Variants in PTPRO observed in about 807,000 individuals in gnomAD.
PTPRO encodes the protein protein tyrosine phosphatase receptor type O.
In PTPRO, 62 loss-of-function variants were observed where a neutral mutation model predicts 145.2. The ratio of observed to expected loss-of-function variants is 0.43; its 90% CI spans 0.35 to 0.53. The LOEUF is 0.53. PTPRO is among the 20% of genes least tolerant of loss of function. The pLI is 0.01. For missense variants in PTPRO, 1,345 were observed against 1,482.7 expected (o/e 0.91, Z 1.53); for synonymous variants, 565 against 514.7 (o/e 1.10, Z -1.32).
At chr12:15,547,127 T>C (rs768629124) in intron 13 of PTPRO, among the ~76,000 whole-genome samples, 20 of 152,132 alleles carry the variant, frequency 1.3e-4, no homozygotes, top group African/African-American at 4.8e-5. Flanking sequence ...TGCATAAGTA[T>C]AGAAAAAAGT....
chr12:15,591,547 G>T (rs2135675224), intron 25 of PTPRO, among the ~76,000 whole-genome samples: 1 of 152,216 alleles, frequency 6.6e-6, no homozygotes, highest in South Asian at 2.1e-4. Context: ...GCAAAGCCAA[G>T]AAAACGTTTT....
At chr12:15,367,789 C>A (rs1473402290) in intron 1 of PTPRO, among the ~76,000 whole-genome samples, 1 of 152,122 alleles carries the variant, frequency 6.6e-6, no homozygotes, top group African/African-American at 2.4e-5. Context: ...CAATGCCCAC[C>A]CCAAAGGAAA....
At chr12:15,415,301 G>A (rs965073264) in intron 1 of PTPRO, among the ~76,000 whole-genome samples, 2 of 151,972 alleles carry the variant, frequency 1.3e-5, no homozygotes, top group Non-Finnish European at 2.9e-5. Context: ...GCTCACATAA[G>A]AAAAGGTAAA....
At chr12:15,515,782 G>A (rs1327313401) in intron 8 of PTPRO, among the ~76,000 whole-genome samples, 164 bp downstream of exon 8, 1 of 151,938 alleles carries the variant, frequency 6.6e-6, no homozygotes, top group Non-Finnish European at 1.5e-5. Flanking sequence ...TGTATACTTG[G>A]AAAACATTCT....
At chr12:15,370,742 A>G (rs1006936914) in intron 1 of PTPRO, among the ~76,000 whole-genome samples, 6 of 152,216 alleles carry the variant, frequency 3.9e-5, no homozygotes, top group Admixed American at 3.3e-4. Context: ...AAATATGCAT[A>G]TATTTAATCT....
At chr12:15,568,264 T>C (rs1943952652) in intron 18 of PTPRO, among the ~76,000 whole-genome samples, 1 of 150,850 alleles carries the variant, frequency 6.6e-6, no homozygotes, top group African/African-American at 2.4e-5. Flanking sequence ...ACCAAATCTC[T>C]ACTAAAAATA....
intron 1 of PTPRO, among the ~76,000 whole-genome samples, chr12:15,408,484 A>G (rs1465584867): frequency 6.6e-6 from 1 of 152,120 alleles, no homozygotes; most frequent in East Asian, 1.9e-4. Context: ...GCTGGTGTGC[A>G]GTGGCATGAT....
intron 1 of PTPRO, among the ~76,000 whole-genome samples, chr12:15,378,925 G>T (rs1463237068): frequency 1.3e-5 from 2 of 152,008 alleles, no homozygotes; most frequent in Non-Finnish European, 2.9e-5. Context: ...CAAATAAAAA[G>T]ATACTCAAAA....
chr12:15,396,493 C>T (rs1939343632), intron 1 of PTPRO, among the ~76,000 whole-genome samples: 1 of 152,042 alleles, frequency 6.6e-6, no homozygotes, highest in East Asian at 1.9e-4. Flanking sequence ...TAACTCAGCC[C>T]TCTTTTATAG....
Position 15,556,399 on chromosome 12 carries a change from T to A in PTPRO, c.2559-1056T>A, listed in dbSNP as rs114089721. Among the ~76,000 whole-genome samples the A allele has an allele frequency of 2.3e-3, 357 of 152,018 alleles. No homozygotes were observed. In the Middle Eastern group the frequency reaches 0.034, roughly 14 times the overall value. ...CTGAGTATTAAATCCATTAATTCCG[T>A]ATAAAGAAAAAATGAGATACATGAG... is the stretch of plus-strand genomic sequence containing the variant. On this transcript the variant is annotated intron_variant, in intron 15 of 26. Transcript: ENST00000281171.
chr12:15,334,426 G>A (rs991093486), intron 1 of PTPRO, among the ~76,000 whole-genome samples: 9 of 152,230 alleles, frequency 5.9e-5, no homozygotes, highest in South Asian at 4.2e-4. Flanking sequence ...GCTACATAAA[G>A]TGTTAGTACA....
At chr12:15,496,390 C>T (rs1942108805) in intron 2 of PTPRO, among the ~76,000 whole-genome samples, 1 of 151,974 alleles carries the variant, frequency 6.6e-6, no homozygotes, top group South Asian at 2.1e-4. Flanking sequence ...GATCCACCCG[C>T]CTTGACCTTC....
chr12:15,450,784 T>A, intron 1 of PTPRO, among the ~76,000 whole-genome samples: 1 of 152,128 alleles, frequency 6.6e-6, no homozygotes, highest in South Asian at 2.1e-4. Context: ...AAAAAAATTT[T>A]TTTTTAAATA....
intron 1 of PTPRO, among the ~76,000 whole-genome samples, chr12:15,324,799 G>A (rs1360339470): frequency 2.0e-5 from 3 of 152,044 alleles, no homozygotes; most frequent in Non-Finnish European, 4.4e-5. Flanking sequence ...CTATTTTGCT[G>A]CAGTTGACAA....
At chr12:15,428,552 G>A (rs1042810555) in intron 1 of PTPRO, among the ~76,000 whole-genome samples, 2 of 151,976 alleles carry the variant, frequency 1.3e-5, no homozygotes, top group African/African-American at 4.8e-5. Flanking sequence ...TTTTCTGTAA[G>A]TTAAAATTAT....
At chr12:15,351,776 A>C (rs1231840849) in intron 1 of PTPRO, among the ~76,000 whole-genome samples, 7 of 152,194 alleles carry the variant, frequency 4.6e-5, no homozygotes, top group African/African-American at 1.7e-4. Flanking sequence ...CTGGTAACCT[A>C]TAGGGATTTA....
At chr12:15,553,353 C>T (rs1943523723) in intron 15 of PTPRO, among the ~76,000 whole-genome samples, 1 of 152,128 alleles carries the variant, frequency 6.6e-6, no homozygotes, top group Admixed American at 6.5e-5. Context: ...ATAAGCAGTA[C>T]CAGTGTGGTG....
chr12:15,426,902 T>G (rs1476322927), intron 1 of PTPRO, among the ~76,000 whole-genome samples: 1 of 152,066 alleles, frequency 6.6e-6, no homozygotes, highest in Non-Finnish European at 1.5e-5. Flanking sequence ...TGTTAATATA[T>G]TATTATCATT....
At chr12:15,404,087 T>C (rs1939578778) in intron 1 of PTPRO, among the ~76,000 whole-genome samples, 1 of 148,196 alleles carries the variant, frequency 6.7e-6, no homozygotes, top group Admixed American at 6.9e-5. Flanking sequence ...TCCCAGCTAC[T>C]CAGGAGGCTG....
Sources: allele counts gnomAD v4.1 joint callset (sites outside exome capture counted in the v4.1 genomes callset), GRCh38; gene constraint gnomAD v4.1.1; transcripts MANE v1.5; gene names NCBI Gene and HGNC (gene_info 2026-07-23, HGNC 2026-07-21).